Variants in NOC3L observed in about 807,000 individuals in gnomAD.
The protein encoded by NOC3L is NOC3 like DNA replication regulator, also known as nucleolar complex protein 3 homolog.
A neutral mutation model predicts 102.5 loss-of-function variants in NOC3L; 85 were observed. The ratio of observed to expected loss-of-function variants is 0.83; its 90% CI spans 0.70 to 0.99. The LOEUF is 0.99. NOC3L is among the 50% of genes least tolerant of loss of function. The pLI, the probability that NOC3L is intolerant of heterozygous loss-of-function variation, is 0.00. For synonymous variants in NOC3L, 303 were observed against 309.4 expected (o/e 0.98, Z 0.22); for missense variants, 878 against 914.9 (o/e 0.96, Z 0.52).
intron 8 of NOC3L, among the ~76,000 whole-genome samples, chr10:94,351,609 G>C (rs1236134332): frequency 6.6e-6 from 1 of 152,046 alleles, no homozygotes; most frequent in Non-Finnish European, 1.5e-5. Context: ...CTCACCGCAG[G>C]CTCAAACTTC....
rs1311203003 is a variant in NOC3L at position 94,358,148 on chromosome 10, A to G, written c.285T>C (p.Asp95=). The part of the protein sequence containing the change: ...EALPLDMMDE[D]DLQLMKDLGQ... ...CTAAATCCTTCATTAACTGTAAGTC[A>G]TCTTCATCCATCATATCTAAAGGAA... Residue 95 remains aspartate (D), a synonymous_variant, in exon 3 of 21, where the codon GAT becomes GAC. Transcript: ENST00000371361. 2.5e-6 allele frequency: 4 copies of G among 1,611,672 alleles called. No individual in the cohort carries two copies. The African/African-American group carries it at 4.0e-5, about 16-fold the overall frequency.
In NOC3L at chr10:94,355,018, T is replaced by C. The variant is rs2054466889; in HGVS notation, c.641A>G (p.Lys214Arg). The C allele has an allele frequency of 6.2e-7, 1 of 1,613,266 alleles. No individual in the cohort carries two copies. Among genetic ancestry groups the C allele is most frequent in the Non-Finnish European group, 8.5e-7 (1 of 1,179,664 alleles). The change falls in exon 6 of 21, where the codon AAG (lysine) becomes AGG (arginine). Residue 214 changes from lysine (K) to arginine (R), a missense_variant. Lys to Arg is a conservative substitution (Grantham distance 26). Coordinates refer to ENST00000371361, the MANE Select transcript of NOC3L (RefSeq NM_022451.11). ...LIERKKKLQE[K>R]KMHIAALASA... ...TGCCAAGGCTGCAATATGCATCTTC[T>C]TCTCCTGTAATTTCTTCTTTCTCTC...
chr10:94,352,590 G>T (rs994907864), intron 7 of NOC3L, among the ~76,000 whole-genome samples, 187 bp from the exon 8 acceptor site: 26 of 152,192 alleles, frequency 1.7e-4, no homozygotes, highest in African/African-American at 6.3e-4. Flanking sequence ...GTGAGGCAGA[G>T]GCGGGTAGAT....
rs190330263 is a variant in NOC3L at position 94,352,077 on chromosome 10, T to G, written c.952+233A>C. Reference sequence around the variant, plus strand: ...TACAATAATCCTGGAAGGTAAGTACTATAATTATTTCCATTTTTTAGACAG... The same window carrying G: ...TACAATAATCCTGGAAGGTAAGTACGATAATTATTTCCATTTTTTAGACAG... On this transcript the variant is annotated intron_variant, in intron 8 of 20. Transcript: ENST00000371361. Among the ~76,000 whole-genome samples, 288 of 152,296 alleles carry G rather than the reference T, an allele frequency of 1.9e-3. 1 individual carries two copies. Among genetic ancestry groups the G allele is most frequent in the Admixed American group, 3.5e-3 (53 of 15,300 alleles).
intron 8 of NOC3L, among the ~76,000 whole-genome samples, chr10:94,351,562 C>G (rs2054418958): frequency 6.6e-6 from 1 of 152,204 alleles, no homozygotes; most frequent in South Asian, 2.1e-4. Flanking sequence ...GGGTCTCACT[C>G]TATCGCCCAG....
chr10:94,325,355 T>C, the NOC3L span: 1 of 393,220 alleles, frequency 2.5e-6, no homozygotes, highest in Admixed American at 3.8e-5. Context: ...TCCCAGCACT[T>C]TGGGAGGCCA....
At chr10:94,317,266 C>G in the NOC3L span, among the ~76,000 whole-genome samples, 2 of 151,972 alleles carry the variant, frequency 1.3e-5, no homozygotes, top group African/African-American at 2.4e-5. Flanking sequence ...AAAAAAAAGA[C>G]AAGGAAATAT....
rs1305114647 is a variant in NOC3L at position 94,356,549 on chromosome 10, C to G, written c.551G>C (p.Arg184Thr). 1.3e-6 allele frequency: 2 copies of G among 1,582,680 alleles called. No individual in the cohort carries two copies. Among genetic ancestry groups the G allele is most frequent in the Non-Finnish European group, 1.7e-6 (2 of 1,152,998 alleles). Reference protein sequence around the residue: ...NKDEEDQEEERELEEEIIEDP... With the variant: ...NKDEEDQEEETELEEEIIEDP... ...AGACATATTACCTTCCTCAAGTTCC[C>G]TCTCTTCTTCTTGATCCTCTTCATC... Residue 184 changes from arginine (R) to threonine (T), a missense_variant, in exon 5 of 21, where the codon AGG becomes ACG. Physicochemically the swap from Arg to Thr is moderately conservative, Grantham distance 71 (BLOSUM62 -1). Transcript: ENST00000371361.
chr10:94,352,297 A>G lies in NOC3L; in HGVS notation c.952+13T>C, dbSNP rs1003230709. Reference sequence around the variant, plus strand: ...TAAGTATGTTACAAACTTTGAAGATATGTTTAATATACCTTTAACCATTTG... The same window carrying G: ...TAAGTATGTTACAAACTTTGAAGATGTGTTTAATATACCTTTAACCATTTG... On this transcript the variant is annotated intron_variant, in intron 8 of 20. Transcript: ENST00000371361. 2 of 1,527,676 alleles carry G rather than the reference A, an allele frequency of 1.3e-6. No individual in the cohort carries two copies. Among genetic ancestry groups the G allele is most frequent in the Admixed American group, 3.4e-5 (2 of 59,168 alleles). 94.6% of individuals were successfully genotyped at this position (1,527,676 alleles called of 1,614,324 possible). A position where few individuals can be genotyped will look rare whatever the true frequency, so the allele number is the denominator to read the frequency against.
the NOC3L span, among the ~76,000 whole-genome samples, chr10:94,326,719 A>G: frequency 6.0e-4 from 92 of 152,340 alleles, no homozygotes; most frequent in South Asian, 0.017. Context: ...ATTGATAGTG[A>G]TTTAGATGAT....
At chr10:94,334,459 G>A (rs375681451) in intron 20 of NOC3L, among the ~76,000 whole-genome samples, 154 bp from the exon 21 acceptor site, 6 of 151,736 alleles carry the variant, frequency 4.0e-5, no homozygotes, top group South Asian at 4.2e-4. Context: ...TATATTGAAC[G>A]AACAGTTTCA....
At chr10:94,324,601 G>C in the NOC3L span, 6 of 1,497,904 alleles carry the variant, frequency 4.0e-6, no homozygotes, top group Non-Finnish European at 5.6e-6. Flanking sequence ...CTGTTCTTAA[G>C]TTATCTGATA....
At chr10:94,346,359 A>T in intron 11 of NOC3L, 66 bp downstream of exon 11, 1 of 1,228,324 alleles carries the variant, frequency 8.1e-7, no homozygotes, top group South Asian at 1.6e-5. Flanking sequence ...ACATGTGCCT[A>T]TAAGTTTAAT....
intron 19 of NOC3L, among the ~76,000 whole-genome samples, chr10:94,336,384 G>C (rs2054218160): frequency 2.0e-5 from 3 of 150,464 alleles, no homozygotes; most frequent in Non-Finnish European, 4.4e-5. Context: ...ATTCGCTCTT[G>C]TCACCCAGGC....
chr10:94,321,452 C>G, the NOC3L span, among the ~76,000 whole-genome samples: 8 of 151,966 alleles, frequency 5.3e-5, no homozygotes, highest in African/African-American at 1.9e-4. Context: ...GCCAGCATGG[C>G]GAAACCCTGT....
chr10:94,341,090 T>A (rs887444802), intron 14 of NOC3L, among the ~76,000 whole-genome samples: 2 of 151,800 alleles, frequency 1.3e-5, no homozygotes, highest in Admixed American at 1.3e-4. Context: ...GAGGATCACC[T>A]GAGCCCTGGA....
intron 6 of NOC3L, among the ~76,000 whole-genome samples, chr10:94,353,290 G>A (rs1454483642): frequency 3.3e-5 from 5 of 152,198 alleles, no homozygotes; most frequent in Non-Finnish European, 4.4e-5. Context: ...CCTGAGGCTG[G>A]ATAATTTATA....
the NOC3L span, chr10:94,324,908 AAAAG>A: frequency 5.6e-6 from 9 of 1,614,028 alleles, no homozygotes; most frequent in Non-Finnish European, 1.7e-6. Context: ...CGAGAAGATA[AAAAG>A]AAAGGCATTT....
At chr10:94,355,833 A>G (rs1331783814) in intron 5 of NOC3L, among the ~76,000 whole-genome samples, 1 of 152,172 alleles carries the variant, frequency 6.6e-6, no homozygotes, top group Non-Finnish European at 1.5e-5. Context: ...ATACAAACTA[A>G]TACTTCATAG....
Sources: gnomAD v4.1 joint callset for allele counts (sites outside exome capture counted in the v4.1 genomes callset) on GRCh38, gnomAD v4.1.1 for gene constraint, MANE v1.5 for transcripts, NCBI Gene and HGNC (gene_info 2026-07-23, HGNC 2026-07-21) for gene names.